Variants in UBE4B observed in about 807,000 individuals in gnomAD.
UBE4B encodes ubiquitination factor E4B.
Under a neutral mutation model 148.1 loss-of-function variants are expected in UBE4B, and 27 were observed. That is an observed-to-expected ratio of 0.18 (90% CI 0.13 to 0.25). UBE4B has a LOEUF of 0.25. Ranked by LOEUF, UBE4B falls within the 10% of genes least tolerant of loss-of-function variation. UBE4B has a pLI of 1.00. For synonymous variants in UBE4B, 596 were observed against 619.3 expected, an observed-to-expected ratio of 0.96 and a Z score of 0.56; for missense variants, 1,170 against 1,662.4, an observed-to-expected ratio of 0.70 and a Z score of 5.15.
intron 18 of UBE4B, among the ~76,000 whole-genome samples, chr1:10,146,735 A>G (rs1645879586): frequency 6.6e-6 from 1 of 151,228 alleles, no homozygotes; most frequent in Non-Finnish European, 1.5e-5. Flanking sequence ...TTGAGCTTTA[A>G]CTGTGTGCTA....
At chr1:10,159,682 C>A (rs376329499) in intron 22 of UBE4B, among the ~76,000 whole-genome samples, 1 of 149,456 alleles carries the variant, frequency 6.7e-6, no homozygotes, top group African/African-American at 2.5e-5. Flanking sequence ...GAGACTCCGT[C>A]TCAAATAAAT....
At chr1:10,178,606 G>C in intron 25 of UBE4B, 38 bp from the exon 26 acceptor site, 1 of 1,537,788 alleles carries the variant, frequency 6.5e-7, no homozygotes, top group South Asian at 1.2e-5. Context: ...TCCACCTGAC[G>C]TACATTTACG....
At chr1:10,117,876 C>T (rs1235676843) in intron 8 of UBE4B, among the ~76,000 whole-genome samples, 1 of 152,122 alleles carries the variant, frequency 6.6e-6, no homozygotes, top group Non-Finnish European at 1.5e-5. Flanking sequence ...AGCTCGGTAC[C>T]GCCAGTGACT....
At chr1:10,131,814 A>G (rs956689920) in intron 14 of UBE4B, among the ~76,000 whole-genome samples, 55 of 152,072 alleles carry the variant, frequency 3.6e-4, no homozygotes, top group African/African-American at 8.5e-4. Flanking sequence ...TTAGCTGGGC[A>G]TGGTGGCGGG....
chr1:10,143,316 C>T (rs563815239), intron 17 of UBE4B, among the ~76,000 whole-genome samples: 3 of 152,190 alleles, frequency 2.0e-5, no homozygotes, highest in African/African-American at 4.8e-5. Flanking sequence ...GCAGGAGAAT[C>T]GCTTCAACCC....
intron 1 of UBE4B, among the ~76,000 whole-genome samples, chr1:10,067,257 G>A (rs1398560813): frequency 6.6e-6 from 1 of 152,142 alleles, no homozygotes; most frequent in Non-Finnish European, 1.5e-5. Context: ...CTATTTTAAT[G>A]TCGTTTGTGA....
chr1:10,042,769 A>G (rs1174779707), intron 1 of UBE4B, among the ~76,000 whole-genome samples: 1 of 152,226 alleles, frequency 6.6e-6, no homozygotes, highest in Non-Finnish European at 1.5e-5. Flanking sequence ...CTACAGGTAC[A>G]GAGAACAATC....
chr1:10,073,150 A>C (rs112310397), intron 2 of UBE4B: 1 of 152,250 alleles, frequency 6.6e-6, no homozygotes, highest in Admixed American at 6.6e-5. Flanking sequence ...AGAAGCTCTG[A>C]TGGTCTTCTG....
At chr1:10,179,867 A>G in intron 27 of UBE4B, 28 bp from the exon 28 acceptor site, 2 of 1,612,536 alleles carry the variant, frequency 1.2e-6, no homozygotes, top group Non-Finnish European at 1.7e-6. Flanking sequence ...CATCTGGGGC[A>G]TTAATCCTCC....
rs142519801 is a variant in UBE4B, at chr1:10,068,242, C to T, written c.25-3786C>T. On this transcript the variant is annotated intron_variant, in intron 1 of 27. Transcript: ENST00000343090. The stretch of plus-strand genomic sequence containing the variant: ...TGAGGTTTCAGTATGCTGGCCAGGC[C>T]GGTCTCAAACTCCTGACATGAAGTG... Among the ~76,000 whole-genome samples, 56 of 151,994 alleles carry T rather than the reference C, an allele frequency of 3.7e-4. 1 individual carries two copies. The highest frequency in any genetic ancestry group is 1.3e-3 in the African/African-American group (55 of 41,478).
intron 7 of UBE4B, among the ~76,000 whole-genome samples, chr1:10,116,076 C>A (rs1386712528): frequency 6.6e-6 from 1 of 152,188 alleles, no homozygotes; most frequent in African/African-American, 2.4e-5. Flanking sequence ...CTGTTAGTTT[C>A]TAGACATTAA....
At chr1:10,136,536 G>C (rs1044129764) in intron 16 of UBE4B, among the ~76,000 whole-genome samples, 3 of 151,850 alleles carry the variant, frequency 2.0e-5, no homozygotes, top group Non-Finnish European at 4.4e-5. Flanking sequence ...CATTTAACGA[G>C]GTAGGACAGA....
intron 3 of UBE4B, 139 bp downstream of exon 3, chr1:10,095,735 T>A: frequency 1.1e-6 from 1 of 921,768 alleles, no homozygotes; most frequent in Non-Finnish European, 1.6e-6. Context: ...TCAAATGTAT[T>A]AAATTTAAAG....
chr1:10,066,847 A>G (rs1007107633), intron 1 of UBE4B, among the ~76,000 whole-genome samples: 3 of 152,142 alleles, frequency 2.0e-5, no homozygotes, highest in African/African-American at 7.2e-5. Flanking sequence ...CAGAGGTTGC[A>G]GTGAGCCAAG....
At chr1:10,083,009 T>TAGTA (rs1230138952) in intron 2 of UBE4B, among the ~76,000 whole-genome samples, 1 of 152,160 alleles carries the variant, frequency 6.6e-6, no homozygotes, top group Non-Finnish European at 1.5e-5. Context: ...TACGGCTGCA[T>TAGTA]AGTATTGCAT....
intron 1 of UBE4B, among the ~76,000 whole-genome samples, chr1:10,065,206 A>G (rs1644365652): frequency 1.3e-5 from 2 of 152,190 alleles, no homozygotes; most frequent in Non-Finnish European, 2.9e-5. Flanking sequence ...TGGCTGAACT[A>G]TTTGAAAGTA....
At chr1:10,150,196 C>G (rs1207065518) in intron 20 of UBE4B, among the ~76,000 whole-genome samples, 1 of 152,124 alleles carries the variant, frequency 6.6e-6, no homozygotes, top group Non-Finnish European at 1.5e-5. Context: ...TGCCACTACA[C>G]TCCAACCTGG....
At chr1:10,111,723 G>A (rs577710420) in intron 7 of UBE4B, among the ~76,000 whole-genome samples, 3 of 152,274 alleles carry the variant, frequency 2.0e-5, no homozygotes, top group Non-Finnish European at 2.9e-5. Context: ...TTGAGAGGCC[G>A]AGGTGGGCGG....
chr1:10,179,358 T>G, intron 26 of UBE4B, 58 bp from the exon 27 acceptor site: 1 of 1,581,448 alleles, frequency 6.3e-7, no homozygotes, highest in South Asian at 1.1e-5. Context: ...GGGCTTTGTT[T>G]TCTTTTTCAG....
Sources: allele counts gnomAD v4.1 joint callset (sites outside exome capture counted in the v4.1 genomes callset), GRCh38; gene constraint gnomAD v4.1.1; transcripts MANE v1.5; gene names NCBI Gene and HGNC (gene_info 2026-07-23, HGNC 2026-07-21).